The following EYS variants were observed in gnomAD, a reference collection of about 807,000 sequenced individuals.
The protein encoded by EYS is EGF-like photoreceptor maintenance factor, also known as protein eyes shut homolog.
Under a neutral mutation model 282.1 loss-of-function variants are expected in EYS, and 250 were observed. That is an observed-to-expected ratio of 0.89 (90% confidence interval 0.80 to 0.98). The LOEUF (loss-of-function observed/expected upper bound fraction) is 0.98. Among genes scored for constraint, EYS ranks in the 50% least tolerant of loss-of-function variants. The pLI is 0.00. For synonymous variants in EYS, 1,355 were observed against 1,282.9 expected, an observed-to-expected ratio of 1.06 and a Z score of -1.20; for missense variants, 4,016 against 3,709.0, an observed-to-expected ratio of 1.08 and a Z score of -2.15.
At chr6:64,206,071 A>G (rs1765601212) in intron 31 of EYS, among the ~76,000 whole-genome samples, 1 of 152,134 alleles carries the variant, frequency 6.6e-6, no homozygotes, top group African/African-American at 2.4e-5. Flanking sequence ...GCCCAAAATA[A>G]TCTACCTGGT....
At chr6:64,094,598 G>A (rs964892787) in intron 31 of EYS, among the ~76,000 whole-genome samples, 9 of 152,130 alleles carry the variant, frequency 5.9e-5, no homozygotes, top group Admixed American at 2.6e-4. Flanking sequence ...GATCTGTGGT[G>A]ATGTCCCCTT....
At chr6:64,119,171 A>G (rs1243179962) in intron 31 of EYS, among the ~76,000 whole-genome samples, 1 of 152,158 alleles carries the variant, frequency 6.6e-6, no homozygotes, top group East Asian at 1.9e-4. Context: ...CAGATATAGT[A>G]GAAATGTGAA....
intron 35 of EYS, among the ~76,000 whole-genome samples, chr6:63,890,869 G>T (rs1023534844): frequency 3.9e-5 from 6 of 151,920 alleles, no homozygotes; most frequent in African/African-American, 1.2e-4. Flanking sequence ...AGAGAGAGAA[G>T]AATCAAATAG....
intron 24 of EYS, among the ~76,000 whole-genome samples, chr6:64,605,375 T>C (rs1766895329): frequency 6.6e-6 from 1 of 151,986 alleles, no homozygotes; most frequent in Non-Finnish European, 1.5e-5. Context: ...GAAATACCAT[T>C]GTTTTTAATT....
At chr6:63,783,313 C>T (rs981214114) in intron 39 of EYS, among the ~76,000 whole-genome samples, 5 of 152,084 alleles carry the variant, frequency 3.3e-5, no homozygotes, top group African/African-American at 1.2e-4. Flanking sequence ...AAACAGAGTA[C>T]AGGACTGTGC....
At chr6:64,404,591 G>A (rs1350366260) in intron 28 of EYS, among the ~76,000 whole-genome samples, 1 of 152,156 alleles carries the variant, frequency 6.6e-6, no homozygotes, top group Non-Finnish European at 1.5e-5. Flanking sequence ...CACGCTGGAT[G>A]CAAGATTAAC....
rs1766310776 is a variant in EYS at position 65,497,889 on chromosome 6, T to G, written c.-332-1896A>C. Among the ~76,000 whole-genome samples the G allele has an allele frequency of 2.6e-5, 4 of 152,158 alleles. No homozygotes were observed. The South Asian group carries it at 8.3e-4, about 31-fold the overall frequency. On this transcript the variant is annotated intron_variant, in intron 2 of 42. Transcript: ENST00000503581. ...CAACTACATTGAGAACTCACTATAA[T>G]TTAATAGCATTAGTCTAGTTTCAAG...
chr6:65,411,100 T>G (rs1415350071), intron 5 of EYS, among the ~76,000 whole-genome samples: 1 of 152,076 alleles, frequency 6.6e-6, no homozygotes, highest in Non-Finnish European at 1.5e-5. Context: ...TTCACAGCAA[T>G]ACTTGCCCAG....
intron 26 of EYS, among the ~76,000 whole-genome samples, chr6:64,450,150 G>C (rs1279167047): frequency 1.3e-5 from 2 of 151,792 alleles, no homozygotes; most frequent in African/African-American, 4.8e-5. Context: ...CAAAATAAAG[G>C]GATGGAAGAA....
At chr6:65,239,432 T>TG (rs1767003701) in intron 12 of EYS, among the ~76,000 whole-genome samples, 1 of 152,126 alleles carries the variant, frequency 6.6e-6, no homozygotes, top group Non-Finnish European at 1.5e-5. Context: ...AAAAATTATC[T>TG]GAAAGTATAA....
chr6:64,075,734 T>C (rs1325525874), intron 32 of EYS, among the ~76,000 whole-genome samples: 2 of 151,942 alleles, frequency 1.3e-5, no homozygotes, highest in African/African-American at 4.8e-5. Flanking sequence ...GTTAAAGCAT[T>C]ATCTGAATAA....
At chr6:64,103,366 C>T (rs1012859627) in intron 31 of EYS, among the ~76,000 whole-genome samples, 16 of 152,078 alleles carry the variant, frequency 1.1e-4, no homozygotes, top group African/African-American at 2.9e-4. Context: ...GAGGGAGGAT[C>T]GGAGATATAC....
chr6:63,868,308 A>G (rs997126661), intron 35 of EYS, among the ~76,000 whole-genome samples: 1 of 152,158 alleles, frequency 6.6e-6, no homozygotes, highest in Non-Finnish European at 1.5e-5. Context: ...TATGAGTATT[A>G]AAAGTTACCT....
intron 19 of EYS, among the ~76,000 whole-genome samples, chr6:64,880,334 T>C (rs1766875057): frequency 6.6e-6 from 1 of 151,980 alleles, no homozygotes; most frequent in Non-Finnish European, 1.5e-5. Flanking sequence ...TATAATTGTA[T>C]ATACATGCTA....
intron 12 of EYS, among the ~76,000 whole-genome samples, chr6:65,167,103 G>A (rs1324052376): frequency 6.6e-6 from 1 of 151,076 alleles, no homozygotes; most frequent in Non-Finnish European, 1.5e-5. Flanking sequence ...AAGGTAAAAT[G>A]GTAATGCACT....
chr6:64,632,797 G>C (rs2149862772), intron 22 of EYS, among the ~76,000 whole-genome samples: 2 of 152,160 alleles, frequency 1.3e-5, no homozygotes, highest in Middle Eastern at 6.8e-3. Flanking sequence ...GAATGGTCTT[G>C]ATTATGAGTT....
chr6:64,415,224 A>G (rs1276317211), intron 28 of EYS, among the ~76,000 whole-genome samples: 8 of 152,304 alleles, frequency 5.3e-5, no homozygotes, highest in Admixed American at 3.3e-4. Flanking sequence ...TTTGAAGTAC[A>G]CTGAGAGCCA....
chr6:63,758,242 T>G (rs2149653064), intron 41 of EYS, among the ~76,000 whole-genome samples: 1 of 152,242 alleles, frequency 6.6e-6, no homozygotes, highest in South Asian at 2.1e-4. Flanking sequence ...TATTTGGTCA[T>G]TTTGGAAACT....
chr6:63,971,278 T>A (rs1287432993), intron 35 of EYS, among the ~76,000 whole-genome samples: 2 of 152,230 alleles, frequency 1.3e-5, no homozygotes, highest in Admixed American at 6.5e-5. Context: ...TTATCTGGGT[T>A]TTTATTTCAT....
Sources: allele counts gnomAD v4.1 joint callset (sites outside exome capture counted in the v4.1 genomes callset), GRCh38; gene constraint gnomAD v4.1.1; transcripts MANE v1.5; gene names NCBI Gene and HGNC (gene_info 2026-07-23, HGNC 2026-07-21).